SCCPDH: variants seen among roughly 807,000 people sequenced by gnomAD.
SCCPDH encodes saccharopine dehydrogenase-like oxidoreductase.
A neutral mutation model predicts 51.5 loss-of-function variants in SCCPDH; 34 were observed. That is an observed-to-expected ratio of 0.66 (90% CI 0.50 to 0.88). The LOEUF is 0.88. SCCPDH is among the 40% of genes least tolerant of loss of function. The pLI is 0.00. For synonymous variants in SCCPDH, 187 were observed against 191.3 expected, an observed-to-expected ratio of 0.98 and a Z score of 0.19; for missense variants, 464 against 527.1, an observed-to-expected ratio of 0.88 and a Z score of 1.17.
chr1:246,749,671 T>A (rs1668822642), intron 5 of SCCPDH, among the ~76,000 whole-genome samples: 1 of 152,194 alleles, frequency 6.6e-6, no homozygotes, highest in Non-Finnish European at 1.5e-5. Flanking sequence ...CCGTCCTTGC[T>A]CTTTGGTGTT....
At chr1:246,744,480 G>A (rs899922135) in intron 5 of SCCPDH, among the ~76,000 whole-genome samples, 18 of 152,034 alleles carry the variant, frequency 1.2e-4, no homozygotes, top group African/African-American at 2.7e-4. Context: ...CACCACGCCC[G>A]GCTATTTTTT....
At chr1:246,751,130 AG>A (rs1668846033) in intron 5 of SCCPDH, among the ~76,000 whole-genome samples, 1 of 152,236 alleles carries the variant, frequency 6.6e-6, no homozygotes, top group Non-Finnish European at 1.5e-5. Flanking sequence ...TTTAGACCAA[AG>A]AAACCCAAAT....
chr1:246,749,965 G>A (rs918001555), intron 5 of SCCPDH, among the ~76,000 whole-genome samples: 1 of 152,202 alleles, frequency 6.6e-6, no homozygotes, highest in African/African-American at 2.4e-5. Context: ...AGCAATAGAA[G>A]GGGAAAAGAA....
At chr1:246,754,627 G>A (rs1315345827) in intron 5 of SCCPDH, among the ~76,000 whole-genome samples, 1 of 152,208 alleles carries the variant, frequency 6.6e-6, no homozygotes, top group African/African-American at 2.4e-5. Context: ...AGCAATTCCT[G>A]TCCCTTTTAA....
intron 5 of SCCPDH, among the ~76,000 whole-genome samples, chr1:246,745,260 T>C (rs1039572344): frequency 6.6e-6 from 1 of 152,248 alleles, no homozygotes; most frequent in African/African-American, 2.4e-5. Flanking sequence ...ACAATACTTT[T>C]ATGCTGATAG....
intron 4 of SCCPDH, 122 bp downstream of exon 4, chr1:246,740,423 T>A: frequency 1.3e-6 from 1 of 755,616 alleles, no homozygotes; most frequent in Non-Finnish European, 2.1e-6. Flanking sequence ...TGGGTAATAT[T>A]AAACACATGT....
chr1:246,728,030 C>T (rs1668428710), intron 2 of SCCPDH, among the ~76,000 whole-genome samples: 1 of 130,732 alleles, frequency 7.6e-6, no homozygotes, highest in Non-Finnish European at 1.7e-5. Flanking sequence ...AGCACAAGCC[C>T]TGGGGTCGTA....
In SCCPDH at chr1:246,735,962, T is replaced by C; in HGVS notation, c.304-13T>C. 2 of 1,576,458 alleles carry C rather than the reference T, an allele frequency of 1.3e-6. No homozygotes were observed. Among genetic ancestry groups the C allele is most frequent in the Non-Finnish European group, 1.7e-6 (2 of 1,150,368 alleles). On this transcript the variant is annotated splice_polypyrimidine_tract_variant and intron_variant, in intron 2 of 11. Coordinates refer to ENST00000366510, the MANE Select transcript of SCCPDH (RefSeq NM_016002.3). ...AAGCAAGAATAACCTCTTTGTTCTT[T>C]TTGTTTCCCTAGTATCGGTTTTATG...
At chr1:246,735,314 C>G (rs1238809024) in intron 2 of SCCPDH, among the ~76,000 whole-genome samples, 1 of 152,218 alleles carries the variant, frequency 6.6e-6, no homozygotes, top group African/African-American at 2.4e-5. Flanking sequence ...AGGAACAGCT[C>G]CTTTTTCTTA....
intron 5 of SCCPDH, among the ~76,000 whole-genome samples, chr1:246,747,951 G>T (rs1668786399): frequency 6.6e-6 from 1 of 152,152 alleles, no homozygotes. Context: ...CTGACACATT[G>T]GTTCTTTGGA....
chr1:246,760,337 A>G lies in SCCPDH; in HGVS notation c.990+110A>G, dbSNP rs1429967092. The G allele has an allele frequency of 1.4e-4, 128 of 885,128 alleles. 1 individual carries two copies. The highest frequency in any genetic ancestry group is 1.4e-5 in the Non-Finnish European group (8 of 576,976). The allele number at this position is 885,128 out of a possible 1,614,324, so 54.8% of individuals were successfully genotyped here. On this transcript the variant is annotated intron_variant, in intron 9 of 11. Coordinates refer to ENST00000366510, the MANE Select transcript of SCCPDH (RefSeq NM_016002.3). ...TTTCAGATACTCTTTTAAGTTCTTT[A>G]TGTAAATTAGATTATTCAATCTTTT...
intron 2 of SCCPDH, among the ~76,000 whole-genome samples, chr1:246,729,037 C>T (rs1221678406): frequency 6.6e-6 from 1 of 152,134 alleles, no homozygotes. Context: ...CCTTGAGCTG[C>T]AAAACCAGCA....
chr1:246,743,302 G>A (rs1668707574), intron 4 of SCCPDH, among the ~76,000 whole-genome samples: 1 of 151,996 alleles, frequency 6.6e-6, no homozygotes, highest in Non-Finnish European at 1.5e-5. Flanking sequence ...AAAAAATTGG[G>A]GGCCGGGCAT....
At chr1:246,764,819 G>A (rs1228171669) in intron 10 of SCCPDH, among the ~76,000 whole-genome samples, 2 of 152,256 alleles carry the variant, frequency 1.3e-5, no homozygotes, top group Admixed American at 6.5e-5. Context: ...TGCCCAAAAC[G>A]TTCAAGAACT....
intron 5 of SCCPDH, among the ~76,000 whole-genome samples, chr1:246,751,616 G>C (rs1668851526): frequency 6.6e-6 from 1 of 152,020 alleles, no homozygotes; most frequent in Non-Finnish European, 1.5e-5. Flanking sequence ...GACATTTCTT[G>C]CATAAATTCC....
intron 2 of SCCPDH, among the ~76,000 whole-genome samples, chr1:246,728,692 T>A (rs1266166123): frequency 1.3e-5 from 2 of 152,200 alleles, no homozygotes; most frequent in Non-Finnish European, 2.9e-5. Context: ...TCTTTTTTTT[T>A]AACTATGAAA....
chr1:246,751,952 T>C (rs1558172252), intron 5 of SCCPDH, among the ~76,000 whole-genome samples: 1 of 139,550 alleles, frequency 7.2e-6, no homozygotes, highest in African/African-American at 2.7e-5. Context: ...TTTTTTTTTT[T>C]GTATTTTTTT....
intron 1 of SCCPDH, among the ~76,000 whole-genome samples, chr1:246,725,566 A>G (rs1166096045): frequency 6.6e-6 from 1 of 152,148 alleles, no homozygotes; most frequent in Non-Finnish European, 1.5e-5. Flanking sequence ...ACTTTCATAC[A>G]ATGCCCTGCT....
At chr1:246,740,029 T>C in intron 3 of SCCPDH, 143 bp from the exon 4 acceptor site, 4 of 552,318 alleles carry the variant, frequency 7.2e-6, no homozygotes, top group Non-Finnish European at 1.2e-5. Context: ...GTGGAAAATA[T>C]TTTGACAGTT....
Sources: gnomAD v4.1 joint callset for allele counts (sites outside exome capture counted in the v4.1 genomes callset) on GRCh38, gnomAD v4.1.1 for gene constraint, MANE v1.5 for transcripts, NCBI Gene and HGNC (gene_info 2026-07-23, HGNC 2026-07-21) for gene names.